Variants in EBF2 observed in about 807,000 individuals in gnomAD.
The protein encoded by EBF2 is transcription factor COE2.
Under a neutral mutation model 72.8 loss-of-function variants are expected in EBF2, and 21 were observed. The ratio of observed to expected loss-of-function variants is 0.29; its 90% confidence interval spans 0.20 to 0.42. The LOEUF (loss-of-function observed/expected upper bound fraction) is 0.42, where lower values mean the gene tolerates loss of function less well. Ranked by LOEUF, EBF2 falls within the 10% of genes least tolerant of loss-of-function variation. The pLI, the probability that EBF2 is intolerant of heterozygous loss-of-function variation, is 1.00. For synonymous variants in EBF2, 299 were observed against 274.2 expected (o/e 1.09, Z -0.89); for missense variants, 637 against 731.2 (o/e 0.87, Z 1.49).
At chr8:25,895,389 A>G (rs1802850175) in intron 7 of EBF2, among the ~76,000 whole-genome samples, 1 of 152,232 alleles carries the variant, frequency 6.6e-6, no homozygotes, top group African/African-American at 2.4e-5. Flanking sequence ...CATTTTTAGT[A>G]ACACCAACTC....
At chr8:25,862,040 T>G (rs1802221156) in intron 11 of EBF2, among the ~76,000 whole-genome samples, 3 of 152,204 alleles carry the variant, frequency 2.0e-5, no homozygotes. Flanking sequence ...AAAGGTGTGA[T>G]GTAGAAGCAA....
Position 26,044,700 on chromosome 8 carries a change from G to A in EBF2, c.131+29C>T. The A allele has an allele frequency of 6.2e-7, 1 of 1,611,860 alleles. No individual in the cohort carries two copies. The highest frequency in any genetic ancestry group is 8.5e-7 in the Non-Finnish European group (1 of 1,178,576). ...AGACAGACCGTAAGAGCGAGAGACA[G>A]CATAATAATTGCGCGGCCGTGTCGT... On this transcript the variant is annotated intron_variant, in intron 1 of 15. Coordinates refer to ENST00000520164, the MANE Select transcript of EBF2 (RefSeq NM_022659.4). This position sits in a 1 kb window ranked among gnomAD's most constrained non-coding sequence, Gnocchi z 4.1.
In EBF2 at chr8:25,995,654, T is replaced by C. The variant is rs1392204535; in HGVS notation, c.551+37431A>G. 2.0e-5 allele frequency among the ~76,000 whole-genome samples: 3 copies of C among 152,140 alleles called. No homozygotes were observed. In the East Asian group the frequency reaches 5.8e-4, roughly 29 times the overall value. The stretch of plus-strand genomic sequence containing the variant: ...ATGTAAACTACACCTCAATAAACTG[T>C]TTTTAAAAAACACCCAAATAAAAAA... On this transcript the variant is annotated intron_variant, in intron 6 of 15. Transcript: ENST00000520164.
chr8:25,974,201 G>A (rs1804232397), intron 6 of EBF2, among the ~76,000 whole-genome samples: 1 of 152,154 alleles, frequency 6.6e-6, no homozygotes, highest in Admixed American at 6.5e-5. Context: ...AGGGGAAGTG[G>A]CACAGGTCAC....
chr8:26,013,937 G>C (rs1805067921), intron 6 of EBF2, among the ~76,000 whole-genome samples: 1 of 152,118 alleles, frequency 6.6e-6, no homozygotes, highest in South Asian at 2.1e-4. Context: ...AACCATGGAA[G>C]TCAGACACCA....
intron 4 of EBF2, 152 bp from the exon 5 acceptor site, chr8:26,040,253 C>T (rs1805575803): frequency 3.7e-6 from 3 of 811,672 alleles, no homozygotes; most frequent in South Asian, 1.7e-5. Flanking sequence ...TGCGCGGTTG[C>T]CGAGTTTGGA....
At chr8:25,992,901 C>CAA (rs34274233) in intron 6 of EBF2, among the ~76,000 whole-genome samples, 1,832 of 144,532 alleles carry the variant, frequency 0.013, 20 homozygotes, top group South Asian at 0.034. Flanking sequence ...GGCCTTGTCT[C>CAA]AAAAAAAAAA....
intron 6 of EBF2, among the ~76,000 whole-genome samples, chr8:26,015,428 A>G (rs1043111219): frequency 5.9e-5 from 9 of 152,160 alleles, no homozygotes; most frequent in African/African-American, 1.7e-4. Context: ...CCACCCCCAC[A>G]TTACTACCAC....
At chr8:26,042,023 C>G (rs1261104375) in intron 2 of EBF2, 72 bp downstream of exon 2, 3 of 1,559,736 alleles carry the variant, frequency 1.9e-6, no homozygotes, top group Non-Finnish European at 2.6e-6. Context: ...GCGAGAGTGA[C>G]AGATGGAATC....
chr8:25,873,086 T>C (rs934171145), intron 10 of EBF2, among the ~76,000 whole-genome samples: 3 of 152,240 alleles, frequency 2.0e-5, no homozygotes, highest in African/African-American at 7.2e-5. Context: ...CCTTCTGCCC[T>C]ATTCCTCATG....
intron 6 of EBF2, among the ~76,000 whole-genome samples, chr8:25,976,570 T>C (rs965263846): frequency 3.9e-5 from 6 of 152,236 alleles, no homozygotes; most frequent in Non-Finnish European, 7.3e-5. Flanking sequence ...TTTGTTAATC[T>C]GATATAGTTT....
At chr8:25,903,585 TA>T in intron 7 of EBF2, among the ~76,000 whole-genome samples, 1 of 152,232 alleles carries the variant, frequency 6.6e-6, no homozygotes, top group African/African-American at 2.4e-5. Flanking sequence ...TAATCCCAGC[TA>T]CTCTGGAGGC....
At chr8:25,992,308 T>C (rs956297070) in intron 6 of EBF2, among the ~76,000 whole-genome samples, 1 of 112,660 alleles carries the variant, frequency 8.9e-6, no homozygotes, top group African/African-American at 3.5e-5. Context: ...CACTCCAGCC[T>C]GGGCAACAGC....
chr8:26,042,041 C>T, intron 2 of EBF2, 54 bp downstream of exon 2: 1 of 1,589,104 alleles, frequency 6.3e-7, no homozygotes, highest in Non-Finnish European at 8.6e-7. Context: ...ATCTTTAGTG[C>T]TTCGCAAGAG....
At chr8:25,907,512 G>A (rs558932408) in intron 7 of EBF2, among the ~76,000 whole-genome samples, 5 of 148,510 alleles carry the variant, frequency 3.4e-5, no homozygotes, top group African/African-American at 9.9e-5. Flanking sequence ...GCAACGTGTC[G>A]CATGCCCACA....
chr8:26,041,030 C>G (rs757982085), intron 2 of EBF2, 28 bp from the exon 3 acceptor site: 1 of 1,613,212 alleles, frequency 6.2e-7, no homozygotes. Flanking sequence ...GTTCGATTCC[C>G]TTGCCTTTCA....
intron 6 of EBF2, among the ~76,000 whole-genome samples, chr8:25,910,728 G>T (rs533350335): frequency 6.6e-6 from 1 of 152,088 alleles, no homozygotes; most frequent in East Asian, 1.9e-4. Context: ...TTGCTTGTCT[G>T]GGGGGCTGAA....
Position 26,040,983 on chromosome 8 carries a change from G to A in EBF2, c.308C>T (p.Thr103Ile). The A allele has an allele frequency of 6.2e-7, 1 of 1,614,224 alleles. No homozygotes were observed. The highest frequency in any genetic ancestry group is 8.5e-7 in the Non-Finnish European group (1 of 1,180,046). Reference protein sequence around the residue: ...ENDKEQGNEKTNNGTHYKLQL... With the variant: ...ENDKEQGNEKINNGTHYKLQL... The stretch of plus-strand genomic sequence containing the variant: ...TAACTTGTAGTGAGTGCCGTTGTTG[G>A]TCTTCTCGTTGCCTTGTTCCTGAAA... The change falls in exon 3 of 16, where the codon ACC becomes ATC. Residue 103 changes from threonine (T) to isoleucine (I), a missense_variant. Thr to Ile is a moderately conservative substitution (Grantham distance 89). Around this residue, in one of 3 missense-constraint regions of EBF2, gnomAD observed 174 missense variants for 161.9 expected, o/e 1.07. Coordinates refer to ENST00000520164, the MANE Select transcript of EBF2 (RefSeq NM_022659.4).
intron 6 of EBF2, among the ~76,000 whole-genome samples, chr8:25,968,204 T>C (rs529551022): frequency 1.4e-4 from 22 of 152,078 alleles, no homozygotes; most frequent in Non-Finnish European, 2.9e-4. Context: ...CCAGAAGAAC[T>C]GGAAGCAGGG....
Sources: gnomAD v4.1 joint callset for allele counts (sites outside exome capture counted in the v4.1 genomes callset) on GRCh38, gnomAD v4.1.1 for gene constraint, gnomAD v4.1.1 regional missense constraint, Gnocchi (gnomAD v3.1) non-coding constraint, MANE v1.5 for transcripts, NCBI Gene and HGNC (gene_info 2026-07-23, HGNC 2026-07-21) for gene names.